The following MACROD2 variants were observed in gnomAD, a reference collection of about 807,000 sequenced individuals.
MACROD2 encodes mono-ADP ribosylhydrolase 2.
A neutral mutation model predicts 70.4 loss-of-function variants in MACROD2; 36 were observed. That is an observed-to-expected ratio of 0.51 (90% CI 0.39 to 0.68). The LOEUF (loss-of-function observed/expected upper bound fraction) is 0.68. MACROD2 is among the 30% of genes least tolerant of loss of function. The pLI is 0.00. For missense variants in MACROD2, 496 were observed against 538.4 expected (o/e 0.92, Z 0.78); for synonymous variants, 172 against 178.8 (o/e 0.96, Z 0.30).
chr20:14,762,667 T>C (rs1020784599), intron 5 of MACROD2, among the ~76,000 whole-genome samples: 4 of 152,068 alleles, frequency 2.6e-5, no homozygotes, highest in South Asian at 4.1e-4. Flanking sequence ...CAGTGGCTCA[T>C]GCCTGTAATC....
intron 10 of MACROD2, 145 bp downstream of exon 10, chr20:15,885,956 G>T: frequency 2.1e-6 from 2 of 952,152 alleles, no homozygotes; most frequent in Admixed American, 4.1e-5. Flanking sequence ...AAAAGTAGTT[G>T]TTCTAACACT....
chr20:15,188,505 G>C (rs1235218420), intron 5 of MACROD2, among the ~76,000 whole-genome samples: 1 of 152,204 alleles, frequency 6.6e-6, no homozygotes, highest in Non-Finnish European at 1.5e-5. Flanking sequence ...CTTGAAGCCA[G>C]ACTATTTAGT....
intron 6 of MACROD2, among the ~76,000 whole-genome samples, chr20:15,298,447 G>A (rs2077611384): frequency 6.6e-6 from 1 of 152,160 alleles, no homozygotes; most frequent in Admixed American, 6.5e-5. Flanking sequence ...AGAAATGGAA[G>A]CAAGAGAGAG....
At chr20:15,160,493 C>T (rs1021226651) in intron 5 of MACROD2, among the ~76,000 whole-genome samples, 4 of 152,068 alleles carry the variant, frequency 2.6e-5, no homozygotes, top group African/African-American at 9.7e-5. Context: ...TGTCCTTTGA[C>T]CCTACTTTTT....
intron 8 of MACROD2, among the ~76,000 whole-genome samples, chr20:15,508,713 G>A (rs573816064): frequency 2.2e-4 from 33 of 152,210 alleles, no homozygotes; most frequent in African/African-American, 7.9e-4. Context: ...GATTGATTAG[G>A]GTCTTTCCAT....
chr20:15,612,326 T>C (rs1354647806), intron 8 of MACROD2, among the ~76,000 whole-genome samples: 3 of 152,206 alleles, frequency 2.0e-5, no homozygotes, highest in Non-Finnish European at 4.4e-5. Context: ...TCTAATTGTC[T>C]GCCTCTATTG....
intron 6 of MACROD2, among the ~76,000 whole-genome samples, chr20:15,327,104 TTTGTATTTTTTTG>T (rs1215088865): frequency 1.3e-5 from 2 of 152,092 alleles, no homozygotes; most frequent in African/African-American, 4.8e-5. Context: ...ATCATAAATG[TTTGTATTTTTTTG>T]CTAGGTTTGA....
intron 5 of MACROD2, among the ~76,000 whole-genome samples, chr20:14,898,539 C>A (rs2073857588): frequency 1.3e-5 from 2 of 152,018 alleles, no homozygotes; most frequent in African/African-American, 4.8e-5. Flanking sequence ...CCAGCCTGGC[C>A]AACATGGTGA....
intron 5 of MACROD2, among the ~76,000 whole-genome samples, chr20:15,134,667 C>A (rs1348376561): frequency 2.0e-5 from 3 of 151,716 alleles, no homozygotes; most frequent in African/African-American, 7.3e-5. Flanking sequence ...ACTAGAAAAG[C>A]AAGAGCAAAC....
rs186563420 is a variant in MACROD2, at chr20:15,145,769, A to G, written c.419-84171A>G. 1.5e-3 allele frequency among the ~76,000 whole-genome samples: 225 copies of G among 152,216 alleles called. 1 individual carries two copies. Among genetic ancestry groups the G allele is most frequent in the African/African-American group, 5.3e-3 (220 of 41,568 alleles). On this transcript the variant is annotated intron_variant, in intron 5 of 17. Coordinates refer to ENST00000684519, the MANE Select transcript of MACROD2 (RefSeq NM_001351661.2). ...TTTTTAATTTAAAAAAATTTTATAT[A>G]AATTTGTTTTTAATGTTTAAAAATT...
chr20:14,985,745 C>G (rs1365944655), intron 5 of MACROD2, among the ~76,000 whole-genome samples: 18 of 146,260 alleles, frequency 1.2e-4, no homozygotes, highest in African/African-American at 4.4e-4. Flanking sequence ...CTAAGAAATG[C>G]CAATGATTTA....
At chr20:14,330,960 G>A (rs2082825525) in intron 3 of MACROD2, among the ~76,000 whole-genome samples, 1 of 152,044 alleles carries the variant, frequency 6.6e-6, no homozygotes. Context: ...GTTAATTTAA[G>A]TTTAGAAAAC....
chr20:14,990,515 C>CTT (rs541686087), intron 5 of MACROD2, among the ~76,000 whole-genome samples: 33 of 129,326 alleles, frequency 2.6e-4, no homozygotes, highest in African/African-American at 4.9e-4. Context: ...TTTTCTTTTT[C>CTT]TTTTTTTTTT....
chr20:14,097,385 A>C (rs957925834), intron 3 of MACROD2, among the ~76,000 whole-genome samples: 1 of 152,206 alleles, frequency 6.6e-6, no homozygotes, highest in Admixed American at 6.5e-5. Context: ...TGAAAAACGA[A>C]TGATAACTGT....
At chr20:15,009,189 C>G (rs1452031193) in intron 5 of MACROD2, among the ~76,000 whole-genome samples, 1 of 152,120 alleles carries the variant, frequency 6.6e-6, no homozygotes, top group Non-Finnish European at 1.5e-5. Context: ...TGGGTGTCCA[C>G]CCAGGTCTCT....
Position 14,327,144 on chromosome 20 carries a change from A to G in MACROD2, c.272-166335A>G, listed in dbSNP as rs752289875. 29 of 1,613,690 alleles carry G rather than the reference A, an allele frequency of 1.8e-5. No individual in the cohort carries two copies. The highest frequency in any genetic ancestry group is 1.5e-4 in the Admixed American group (9 of 59,970). ...GATAGGGAATTTTTGAAAGTGAATCATAAGTGATAGTCCTTATGTTATTTT... is the reference window on the plus strand; with the variant it reads ...GATAGGGAATTTTTGAAAGTGAATCGTAAGTGATAGTCCTTATGTTATTTT... On this transcript the variant is annotated intron_variant, in intron 3 of 17. Coordinates refer to ENST00000684519, the MANE Select transcript of MACROD2 (RefSeq NM_001351661.2).
chr20:15,474,916 C>A (rs1418620032), intron 7 of MACROD2, among the ~76,000 whole-genome samples: 1 of 151,938 alleles, frequency 6.6e-6, no homozygotes, highest in African/African-American at 2.4e-5. Flanking sequence ...CCGTTGTACT[C>A]GGAGGCAGGA....
At chr20:14,849,472 G>A (rs566193380) in intron 5 of MACROD2, among the ~76,000 whole-genome samples, 1 of 152,054 alleles carries the variant, frequency 6.6e-6, no homozygotes. Context: ...CAAGCATTAC[G>A]TGATGTCCTT....
At chr20:14,181,007 A>C (rs1481082227) in intron 3 of MACROD2, among the ~76,000 whole-genome samples, 1 of 151,116 alleles carries the variant, frequency 6.6e-6, no homozygotes, top group Non-Finnish European at 1.5e-5. Context: ...TTATCTTTCT[A>C]TTTCTTTTCT....
Sources: gnomAD v4.1 joint callset for allele counts (sites outside exome capture counted in the v4.1 genomes callset) on GRCh38, gnomAD v4.1.1 for gene constraint, MANE v1.5 for transcripts, NCBI Gene and HGNC (gene_info 2026-07-23, HGNC 2026-07-21) for gene names.